TUBB6: variants seen among roughly 807,000 people sequenced by gnomAD.
TUBB6 encodes tubulin beta 6 class V.
Under a neutral mutation model 32.3 loss-of-function variants are expected in TUBB6, and 18 were observed. The ratio of observed to expected loss-of-function variants is 0.56; its 90% CI spans 0.39 to 0.83. TUBB6 has a LOEUF of 0.83. TUBB6 is among the 40% of genes least tolerant of loss of function. TUBB6 has a pLI of 0.00. For synonymous variants in TUBB6, 280 were observed against 265.8 expected, an observed-to-expected ratio of 1.05 and a Z score of -0.52; for missense variants, 480 against 632.0, an observed-to-expected ratio of 0.76 and a Z score of 2.58.
In TUBB6 at chr18:12,326,172, G is replaced by A. The variant is rs749000064; in HGVS notation, c.*42G>A. 3 of 1,576,028 alleles carry A rather than the reference G, an allele frequency of 1.9e-6. No individual in the cohort carries two copies. The highest frequency in any genetic ancestry group is 2.6e-6 in the Non-Finnish European group (3 of 1,160,282). ...CCAACTCAGATCCTACAACACGCAA[G>A]TTCCTTCTTGAACCCTGGTGCCTCC... On this transcript the variant is annotated 3_prime_UTR_variant, in exon 4 of 4. Transcript: ENST00000317702.
In TUBB6 at chr18:12,325,368, G is replaced by A. The variant is rs1408761162; in HGVS notation, c.579G>A (p.Val193=). The A allele has an allele frequency of 6.2e-7, 1 of 1,614,212 alleles. No individual in the cohort carries two copies. Among genetic ancestry groups the A allele is most frequent in the Non-Finnish European group, 8.5e-7 (1 of 1,180,036 alleles). Residue 193 remains valine (V), a synonymous_variant, in exon 4 of 4, where the codon GTG becomes GTA. Transcript: ENST00000317702. ...CCACACTGTCGGTGCACCAGCTGGT[G>A]GAGAATACAGACGAGACCTACTGCA... ...YNATLSVHQL[V]ENTDETYCID... is the part of the protein sequence containing the mutation.
intron 3 of TUBB6, among the ~76,000 whole-genome samples, chr18:12,316,577 T>G (rs766663079): frequency 6.6e-6 from 1 of 152,222 alleles, no homozygotes; most frequent in Non-Finnish European, 1.5e-5. Context: ...TTGACACCAT[T>G]TTGAGTTAAG....
At chr18:12,315,744 C>T (rs779134695) in intron 3 of TUBB6, among the ~76,000 whole-genome samples, 1 of 152,086 alleles carries the variant, frequency 6.6e-6, no homozygotes, top group African/African-American at 2.4e-5. Context: ...GGTGGTTAGC[C>T]GAAACTCATG....
chr18:12,314,877 A>G (rs746593393), intron 3 of TUBB6, among the ~76,000 whole-genome samples: 6 of 152,190 alleles, frequency 3.9e-5, no homozygotes, highest in Non-Finnish European at 7.3e-5. Context: ...TATGCTTTTA[A>G]TATATTTAAA....
In TUBB6 at chr18:12,308,253, C is replaced by A. The variant is rs192717175; in HGVS notation, c.-40C>A. ...GCAGCCGGCCCGCAGTTGCCGCTGT[C>A]GTCCGCAGAGCCAGTTCCTAGCGCA... On this transcript the variant is annotated 5_prime_UTR_variant, in exon 1 of 4. Coordinates refer to ENST00000317702, the MANE Select transcript of TUBB6 (RefSeq NM_032525.3). 42 of 1,381,194 alleles carry A rather than the reference C, an allele frequency of 3.0e-5. No individual in the cohort carries two copies. The East Asian group carries it at 8.1e-4, about 27-fold the overall frequency. 85.6% of individuals were successfully genotyped at this position (1,381,194 alleles called of 1,614,324 possible).
downstream of TUBB6, among the ~76,000 whole-genome samples, chr18:12,327,243 C>A (rs1301252495): frequency 6.6e-6 from 1 of 152,222 alleles, no homozygotes; most frequent in Non-Finnish European, 1.5e-5. Context: ...GGCAGCCCCC[C>A]CGATCCCTCC....
chr18:12,307,867 C>G (rs1238232472), upstream of TUBB6: 1 of 152,350 alleles, frequency 6.6e-6, no homozygotes, highest in Non-Finnish European at 1.5e-5. Context: ...CTTGGCTGGA[C>G]TGGGCGCGGG....
chr18:12,309,874 G>A (rs78431637), intron 2 of TUBB6, among the ~76,000 whole-genome samples: 17,365 of 152,198 alleles, frequency 0.11, 1,112 homozygotes, highest in East Asian at 0.22. Flanking sequence ...AGCCAGTGGC[G>A]TGCTCCGGGT....
chr18:12,329,370 C>T, downstream of TUBB6: 1 of 680,468 alleles, frequency 1.5e-6, no homozygotes, highest in East Asian at 2.7e-5. Context: ...TCCCTCAAGG[C>T]CTCCGGAAAG....
chr18:12,323,978 G>A (rs1436240205), intron 3 of TUBB6, among the ~76,000 whole-genome samples: 1 of 152,150 alleles, frequency 6.6e-6, no homozygotes, highest in Non-Finnish European at 1.5e-5. Flanking sequence ...TAATTATAGG[G>A]GCAGAATAAA....
chr18:12,324,778 T>C, intron 3 of TUBB6: 1 of 1,294,870 alleles, frequency 7.7e-7, no homozygotes, highest in Non-Finnish European at 9.7e-7. Context: ...ATGTATACCT[T>C]TTGTTCCCTT....
intron 3 of TUBB6, among the ~76,000 whole-genome samples, chr18:12,314,581 C>T (rs1214158349): frequency 2.6e-5 from 4 of 152,090 alleles, no homozygotes; most frequent in South Asian, 4.1e-4. Context: ...CTGCCTCCCT[C>T]GCAGGAGTCC....
Position 12,326,169 on chromosome 18 carries a change from C to T in TUBB6, c.*39C>T. The T allele has an allele frequency of 2.5e-6, 4 of 1,578,654 alleles. No individual in the cohort carries two copies. Among genetic ancestry groups the T allele is most frequent in the Non-Finnish European group, 3.4e-6 (4 of 1,161,524 alleles). On this transcript the variant is annotated 3_prime_UTR_variant, in exon 4 of 4. Coordinates refer to ENST00000317702, the MANE Select transcript of TUBB6 (RefSeq NM_032525.3). ...GCCCCAACTCAGATCCTACAACACGCAAGTTCCTTCTTGAACCCTGGTGCC... is the reference window on the plus strand; with the variant it reads ...GCCCCAACTCAGATCCTACAACACGTAAGTTCCTTCTTGAACCCTGGTGCC...
Position 12,325,554 on chromosome 18 carries a change from G to C in TUBB6, c.765G>C (p.Val255=). The change falls in exon 4 of 4, where the codon GTG becomes GTC. Residue 255 remains valine, a synonymous_variant. Coordinates refer to ENST00000317702, the MANE Select transcript of TUBB6 (RefSeq NM_032525.3). ...ATGCTGACCTGCGCAAGCTGGCGGT[G>C]AACATGGTGCCCTTCCCGCGCCTGC... ...QLNADLRKLA[V]NMVPFPRLHF... is the part of the protein sequence containing the mutation. 3 of 1,614,166 alleles carry C rather than the reference G, an allele frequency of 1.9e-6. No individual in the cohort carries two copies. Among genetic ancestry groups the C allele is most frequent in the Non-Finnish European group, 2.5e-6 (3 of 1,180,032 alleles).
chr18:12,307,782 T>A (rs143509826), upstream of TUBB6: 1 of 140,540 alleles, frequency 7.1e-6, no homozygotes, highest in Non-Finnish European at 1.5e-5. Context: ...GTGCCCGGGG[T>A]GCGACCGGGG....
intron 2 of TUBB6, among the ~76,000 whole-genome samples, chr18:12,310,490 CAAA>C (rs11315396): frequency 6.8e-4 from 71 of 104,322 alleles, no homozygotes; most frequent in Non-Finnish European, 5.1e-4. Context: ...GACTCCATCG[CAAA>C]AAAAAAAAAA....
chr18:12,311,528 T>C (rs1339534068), intron 3 of TUBB6, among the ~76,000 whole-genome samples: 1 of 151,976 alleles, frequency 6.6e-6, no homozygotes, highest in African/African-American at 2.4e-5. Context: ...ACCCGGGAGG[T>C]AGAGGTTGCA....
intron 3 of TUBB6, among the ~76,000 whole-genome samples, chr18:12,314,138 G>A (rs763556432): frequency 4.6e-5 from 7 of 152,176 alleles, no homozygotes; most frequent in South Asian, 2.1e-4. Context: ...GCACCGCACC[G>A]GGAGAGGGAA....
At chr18:12,324,804 G>A (rs1907182897) in intron 3 of TUBB6, 2 of 1,312,702 alleles carry the variant, frequency 1.5e-6, no homozygotes, top group Non-Finnish European at 1.9e-6. Flanking sequence ...TCTACCATGT[G>A]CAAGAATTAC....
Sources: allele counts gnomAD v4.1 joint callset (sites outside exome capture counted in the v4.1 genomes callset), GRCh38; gene constraint gnomAD v4.1.1; transcripts MANE v1.5; gene names NCBI Gene and HGNC (gene_info 2026-07-23, HGNC 2026-07-21).